The following DENND2B variants were observed in gnomAD, a reference collection of about 807,000 sequenced individuals.
DENND2B encodes the protein DENN domain-containing protein 2B.
A neutral mutation model predicts 116.0 loss-of-function variants in DENND2B; 32 were observed. The ratio of observed to expected loss-of-function variants is 0.28; its 90% confidence interval spans 0.21 to 0.37. The LOEUF (loss-of-function observed/expected upper bound fraction) is 0.37, where lower values mean the gene tolerates loss of function less well. Among genes scored for constraint, DENND2B ranks in the 10% least tolerant of loss-of-function variants. DENND2B has a pLI of 1.00. For missense variants in DENND2B, 1,276 were observed against 1,477.7 expected (o/e 0.86, Z 2.24); for synonymous variants, 588 against 583.9 (o/e 1.01, Z -0.10).
chr11:8,799,552 CCTTT>C (rs1272719077), intron 1 of DENND2B, among the ~76,000 whole-genome samples: 1 of 144,082 alleles, frequency 6.9e-6, no homozygotes, highest in Non-Finnish European at 1.5e-5. Flanking sequence ...GTACCATCCT[CCTTT>C]TTCTCTTTTT....
intron 2 of DENND2B, among the ~76,000 whole-genome samples, chr11:8,858,824 T>C (rs2063287681): frequency 6.6e-6 from 1 of 152,144 alleles, no homozygotes; most frequent in South Asian, 2.1e-4. Context: ...CTCAAGAAAG[T>C]CCATCTCTTG....
intron 14 of DENND2B, among the ~76,000 whole-genome samples, chr11:8,701,173 G>A (rs925945624): frequency 6.6e-6 from 1 of 152,134 alleles, no homozygotes; most frequent in Non-Finnish European, 1.5e-5. Flanking sequence ...ATATGCAAAT[G>A]AAGACCATTA....
chr11:8,736,494 G>A (rs954744198), intron 2 of DENND2B, among the ~76,000 whole-genome samples: 1 of 152,168 alleles, frequency 6.6e-6, no homozygotes, highest in Non-Finnish European at 1.5e-5. Context: ...AACTCTGTGA[G>A]ACGGTTTGGG....
chr11:8,785,709 G>A (rs1438863037), intron 1 of DENND2B: 2 of 152,242 alleles, frequency 1.3e-5, no homozygotes, highest in African/African-American at 4.8e-5. Context: ...AGAGAAGGGA[G>A]GAATGCACTC....
Position 8,702,796 on chromosome 11 carries a change from G to C in DENND2B, c.2572-76C>G. 1 of 1,503,628 alleles carries C rather than the reference G, an allele frequency of 6.7e-7. No homozygotes were observed. Among genetic ancestry groups the C allele is most frequent in the Non-Finnish European group, 8.9e-7 (1 of 1,125,958 alleles). 93.1% of individuals were successfully genotyped at this position (1,503,628 alleles called of 1,614,324 possible). ...CCCTCTGGCCCTCCACGAAGCAACT[G>C]GAGCTGCTTTCCCCTTCCAACCTGC... On this transcript the variant is annotated intron_variant, in intron 13 of 19. Coordinates refer to ENST00000313726, the MANE Select transcript of DENND2B (RefSeq NM_213618.2). This position sits in a 1 kb window ranked among gnomAD's most constrained non-coding sequence, Gnocchi z 4.6.
chr11:8,862,890 A>C (rs958117952), intron 2 of DENND2B, among the ~76,000 whole-genome samples: 30 of 152,268 alleles, frequency 2.0e-4, no homozygotes, highest in African/African-American at 6.7e-4. Flanking sequence ...TCAAATGTAG[A>C]CAGAGCTGGG....
chr11:8,819,363 C>T (rs904430464), intron 4 of DENND2B, among the ~76,000 whole-genome samples: 2 of 151,674 alleles, frequency 1.3e-5, no homozygotes, highest in Non-Finnish European at 1.5e-5. Context: ...TGCCACTGCA[C>T]GCCACAGCCT....
At chr11:8,790,519 A>G (rs2059291005) in intron 1 of DENND2B, among the ~76,000 whole-genome samples, 1 of 152,174 alleles carries the variant, frequency 6.6e-6, no homozygotes, top group Admixed American at 6.5e-5. Flanking sequence ...CTGTAATCCC[A>G]GCACTTTGGG....
chr11:8,771,384 G>A lies in DENND2B; in HGVS notation c.-25-20659C>T, dbSNP rs562756458. ...CAATCTCACACTACCAGCATGCAGG[G>A]GCTGTGAGTGTGTGTGTGTGTGCGT... On this transcript the variant is annotated intron_variant, in intron 1 of 19. Coordinates refer to ENST00000313726, the MANE Select transcript of DENND2B (RefSeq NM_213618.2). Among the ~76,000 whole-genome samples, 8 of 152,026 alleles carry A rather than the reference G, an allele frequency of 5.3e-5. No individual in the cohort carries two copies. In the South Asian group the frequency reaches 1.7e-3, roughly 32 times the overall value.
intron 3 of DENND2B, among the ~76,000 whole-genome samples, chr11:8,853,846 T>C (rs2063097201): frequency 6.6e-6 from 1 of 151,816 alleles, no homozygotes; most frequent in African/African-American, 2.4e-5. Flanking sequence ...GCAAACACTA[T>C]ATTTTTAATT....
chr11:8,875,139 C>T (rs188191760), upstream of DENND2B, among the ~76,000 whole-genome samples: 18 of 152,028 alleles, frequency 1.2e-4, no homozygotes, highest in East Asian at 1.6e-3. Flanking sequence ...CTGGCTAAGA[C>T]GGTGAAACCT....
At position 8,736,236 on chromosome 11, in the gene DENND2B, G is replaced by A. The variant is rs527374590; in HGVS notation, c.81-5027C>T. ...TATATTGAGCACCAAGTCTATTCCA[G>A]GCACTATTTTAGGCTGAGGTGGGAG... On this transcript the variant is annotated intron_variant, in intron 2 of 19. Transcript: ENST00000313726. Among the ~76,000 whole-genome samples the A allele has an allele frequency of 2.0e-5, 3 of 152,244 alleles. No individual in the cohort carries two copies. In the East Asian group the frequency reaches 5.8e-4, roughly 29 times the overall value.
intron 2 of DENND2B, among the ~76,000 whole-genome samples, chr11:8,732,996 C>T (rs548335190): frequency 3.3e-5 from 5 of 152,364 alleles, no homozygotes; most frequent in South Asian, 2.1e-4. Flanking sequence ...GGGTCACAGG[C>T]CTCTGGCTGC....
chr11:8,706,556 T>C (rs1445271697), intron 13 of DENND2B, among the ~76,000 whole-genome samples: 1 of 152,220 alleles, frequency 6.6e-6, no homozygotes, highest in African/African-American at 2.4e-5. Context: ...AGGTCTCTGA[T>C]AAAGTGTTAC....
intron 4 of DENND2B, chr11:8,835,592 A>T (rs1316215470): frequency 6.6e-6 from 1 of 152,244 alleles, no homozygotes; most frequent in East Asian, 1.9e-4. Flanking sequence ...GTAGGATCTG[A>T]AGAACACTTA....
At chr11:8,718,096 A>AACCCCCCCCCCCCCCCCCCCCCC in intron 4 of DENND2B, 1 of 65,008 alleles carries the variant, frequency 1.5e-5, no homozygotes, top group Admixed American at 2.4e-4. Context: ...AAGCAGACCC[A>AACCCCCCCCCCCCCCCCCCCCCC]CCCCCCCACC....
intron 4 of DENND2B, among the ~76,000 whole-genome samples, chr11:8,720,607 G>A (rs553099981): frequency 1.2e-4 from 19 of 152,258 alleles, no homozygotes; most frequent in African/African-American, 4.1e-4. Flanking sequence ...CAGCCCACAC[G>A]CTGCCTCCCC....
At chr11:8,740,415 C>T (rs1592995772) in intron 2 of DENND2B, among the ~76,000 whole-genome samples, 1 of 152,146 alleles carries the variant, frequency 6.6e-6, no homozygotes, top group East Asian at 1.9e-4. Flanking sequence ...AGGAATGCCT[C>T]ATATATTGTC....
At chr11:8,824,853 A>ATTTTTT (rs371924172) in intron 4 of DENND2B, among the ~76,000 whole-genome samples, 7 of 130,236 alleles carry the variant, frequency 5.4e-5, no homozygotes, top group Non-Finnish European at 4.8e-5. Context: ...ACACCCAGCT[A>ATTTTTT]TTTTTTTTTT....
Sources: gnomAD v4.1 joint callset for allele counts (sites outside exome capture counted in the v4.1 genomes callset) on GRCh38, gnomAD v4.1.1 for gene constraint, Gnocchi (gnomAD v3.1) non-coding constraint, MANE v1.5 for transcripts, NCBI Gene and HGNC (gene_info 2026-07-23, HGNC 2026-07-21) for gene names.